The following CNIH3 variants were observed in gnomAD, a reference collection of about 807,000 sequenced individuals.
CNIH3 encodes the protein cornichon family AMPA receptor auxiliary protein 3, also known as protein cornichon homolog 3.
In CNIH3, 14 loss-of-function variants were observed where a neutral mutation model predicts 24.1. That is an observed-to-expected ratio of 0.58 (90% CI 0.38 to 0.91). The LOEUF (loss-of-function observed/expected upper bound fraction) is 0.91, where lower values mean the gene tolerates loss of function less well. CNIH3 is among the 40% of genes least tolerant of loss of function. CNIH3 has a pLI of 0.00. For synonymous variants in CNIH3, 68 were observed against 73.8 expected, an observed-to-expected ratio of 0.92 and a Z score of 0.40; for missense variants, 178 against 196.8, an observed-to-expected ratio of 0.90 and a Z score of 0.57.
At chr1:224,630,420 TA>T (rs1435042604) in intron 1 of CNIH3, among the ~76,000 whole-genome samples, 3 of 152,110 alleles carry the variant, frequency 2.0e-5, no homozygotes, top group Non-Finnish European at 4.4e-5. Context: ...ATTTATTTTT[TA>T]ATGTTTTTCA....
downstream of CNIH3, among the ~76,000 whole-genome samples, chr1:224,591,369 C>T (rs1681747587): frequency 6.6e-6 from 1 of 152,180 alleles, no homozygotes; most frequent in African/African-American, 2.4e-5. Context: ...ATCCTAACCC[C>T]ACTGTTTACT....
intron 1 of CNIH3, among the ~76,000 whole-genome samples, chr1:224,660,498 C>T (rs1449597771): frequency 6.6e-6 from 1 of 150,706 alleles, no homozygotes; most frequent in Non-Finnish European, 1.5e-5. Flanking sequence ...TTCTTTGGCA[C>T]ATTTTATATA....
intron 1 of CNIH3, among the ~76,000 whole-genome samples, chr1:224,668,546 G>T (rs960821885): frequency 6.6e-6 from 1 of 152,160 alleles, no homozygotes; most frequent in Non-Finnish European, 1.5e-5. Context: ...ACTTTGGGGA[G>T]CCTTTCTGAT....
chr1:224,439,774 G>C (rs1674814059), intron 1 of CNIH3, among the ~76,000 whole-genome samples: 1 of 149,604 alleles, frequency 6.7e-6, no homozygotes, highest in Middle Eastern at 3.4e-3. Context: ...ACCATCCCCA[G>C]GTAATTTTGG....
At position 224,713,124 on chromosome 1, in the gene CNIH3, C is replaced by T. The variant is rs142744810; in HGVS notation, c.199-17338C>T. On this transcript the variant is annotated intron_variant, in intron 3 of 5. Coordinates refer to ENST00000272133, the MANE Select transcript of CNIH3 (RefSeq NM_152495.2). ...CTTTCTTGACTGTACTGTTATTGAG[C>T]TCTGGATCTTCAGCAGCTGGTCAAC... Among the ~76,000 whole-genome samples the T allele has an allele frequency of 9.0e-3, 1,374 of 152,302 alleles. 24 individuals are homozygous for T. The highest frequency in any genetic ancestry group is 0.031 in the African/African-American group (1,308 of 41,564).
chr1:224,547,057 T>C (rs1679730921), intron 3 of CNIH3: 1 of 198,170 alleles, frequency 5.0e-6, no homozygotes, highest in African/African-American at 2.4e-5. Context: ...CACGCAAGGT[T>C]GTCTCCATGC....
At chr1:224,481,309 C>A (rs909582403) in intron 1 of CNIH3, among the ~76,000 whole-genome samples, 69 of 152,222 alleles carry the variant, frequency 4.5e-4, no homozygotes, top group African/African-American at 1.6e-3. Flanking sequence ...CAAACCATAT[C>A]AATCAGTGTC....
chr1:224,474,909 T>C (rs7543421), intron 1 of CNIH3, among the ~76,000 whole-genome samples: 125,822 of 151,036 alleles, frequency 0.83, 52,749 homozygotes, highest in East Asian at 0.97. Flanking sequence ...GTCGTGGCAG[T>C]GGGCGGGCGC....
chr1:224,657,088 C>A (rs1047325691), intron 1 of CNIH3, among the ~76,000 whole-genome samples: 7 of 152,144 alleles, frequency 4.6e-5, no homozygotes, highest in African/African-American at 1.7e-4. Context: ...CCAGAGGCAA[C>A]ATTGATGGCC....
At position 224,630,659 on chromosome 1, in the gene CNIH3, C is replaced by T. The variant is rs527934057; in HGVS notation, c.81+13404C>T. ...CTTATGGGCCCATTTGCAGTTAGCA[C>T]TCTTTGGGCTGAATGCCTTAGTGGG... is the stretch of plus-strand genomic sequence containing the variant. On this transcript the variant is annotated intron_variant, in intron 1 of 5. Coordinates refer to ENST00000272133, the MANE Select transcript of CNIH3 (RefSeq NM_152495.2). Among the ~76,000 whole-genome samples, 357 of 152,256 alleles carry T rather than the reference C, an allele frequency of 2.3e-3. 1 individual carries two copies. The Middle Eastern group carries it at 0.027, about 12-fold the overall frequency.
intron 3 of CNIH3, among the ~76,000 whole-genome samples, chr1:224,595,591 T>C (rs1932991): frequency 0.69 from 105,559 of 152,124 alleles, 38,199 homozygotes; most frequent in East Asian, 0.99. Context: ...AGTTGCATGT[T>C]CCCCATTTTA....
At chr1:224,584,600 T>C (rs1286663809) in intron 5 of CNIH3, among the ~76,000 whole-genome samples, 2 of 152,246 alleles carry the variant, frequency 1.3e-5, no homozygotes, top group African/African-American at 4.8e-5. Context: ...TTTGCAGTCA[T>C]CAGGATGGCA....
chr1:224,635,877 C>A (rs1369718524), intron 1 of CNIH3, among the ~76,000 whole-genome samples: 2 of 151,990 alleles, frequency 1.3e-5, no homozygotes, highest in African/African-American at 4.8e-5. Context: ...ACACCTGGCT[C>A]ATTTTTTTTT....
chr1:224,666,175 A>C (rs1685589224), intron 1 of CNIH3, among the ~76,000 whole-genome samples: 1 of 152,222 alleles, frequency 6.6e-6, no homozygotes, highest in Non-Finnish European at 1.5e-5. Flanking sequence ...AAGCCAAGCC[A>C]GAACCCAAAC....
chr1:224,496,294 C>T (rs2124859048), intron 1 of CNIH3, among the ~76,000 whole-genome samples: 1 of 152,292 alleles, frequency 6.6e-6, no homozygotes, highest in East Asian at 1.9e-4. Flanking sequence ...GTGGGGAGAA[C>T]TTCCATGTCT....
chr1:224,437,714 A>G (rs1674722585), intron 1 of CNIH3, among the ~76,000 whole-genome samples: 1 of 152,192 alleles, frequency 6.6e-6, no homozygotes, highest in African/African-American at 2.4e-5. Context: ...AAGAGGGGTG[A>G]TTATTATTTT....
At position 224,566,879 on chromosome 1, in the gene CNIH3, T is replaced by C. The variant is rs994360666; in HGVS notation, n.516+615T>C. On this transcript the variant is annotated intron_variant and non_coding_transcript_variant, in intron 4 of 5. Coordinates refer to the CNIH3 transcript ENST00000471578. ...AATGATATATAATTCTTTGGGTATA[T>C]ACCCAGTAATGGGATTGCTGGGTCA... 3.3e-5 allele frequency among the ~76,000 whole-genome samples: 5 copies of C among 152,366 alleles called. No individual in the cohort carries two copies. The East Asian group carries it at 9.6e-4, about 29-fold the overall frequency.
At chr1:224,687,734 A>G (rs6694298) in intron 3 of CNIH3, among the ~76,000 whole-genome samples, 8,706 of 152,284 alleles carry the variant, frequency 0.057, 327 homozygotes, top group East Asian at 0.15. Flanking sequence ...TAACAGACCA[A>G]TACACTGAGA....
chr1:224,573,392 C>T (rs1048749119), intron 4 of CNIH3, among the ~76,000 whole-genome samples: 1 of 152,082 alleles, frequency 6.6e-6, no homozygotes, highest in Non-Finnish European at 1.5e-5. Flanking sequence ...GAAAATGGGT[C>T]TGACTAGGCA....
Sources: allele counts gnomAD v4.1 joint callset (sites outside exome capture counted in the v4.1 genomes callset), GRCh38; gene constraint gnomAD v4.1.1; transcripts MANE v1.5; gene names NCBI Gene and HGNC (gene_info 2026-07-23, HGNC 2026-07-21).